Variants in MORN1 observed in about 807,000 individuals in gnomAD.
MORN1 encodes MORN repeat containing 1.
Under a neutral mutation model 61.9 loss-of-function variants are expected in MORN1, and 67 were observed. The observed-to-expected ratio is 1.08, with a 90% confidence interval of 0.89 to 1.33. MORN1 has a LOEUF of 1.33. Among genes scored for constraint, MORN1 ranks in the 40% most tolerant of loss-of-function variants. The pLI, the probability that MORN1 is intolerant of heterozygous loss-of-function variation, is 0.00. For missense variants in MORN1, 752 were observed against 691.2 expected (o/e 1.09, Z -0.99); for synonymous variants, 301 against 292.0 (o/e 1.03, Z -0.31).
In MORN1 at chr1:2,357,731, G is replaced by A; in HGVS notation, c.870-133C>T. On this transcript the variant is annotated intron_variant, in intron 9 of 13. Transcript: ENST00000378531. The surrounding 1 kb of genome is among the most constrained non-coding windows in gnomAD (Gnocchi z 6.3). ...CCAGGGAGCGCTACTCAGCCTCTCT[G>A]GGAGGTCTCCTGCTGGGATGGGGCC... is the stretch of plus-strand genomic sequence containing the variant. 9.3e-7 allele frequency: 1 copy of A among 1,078,164 alleles called. No homozygotes were observed. The highest frequency in any genetic ancestry group is 2.3e-5 in the South Asian group (1 of 42,756). The allele number at this position is 1,078,164 out of a possible 1,614,324, so 66.8% of individuals were successfully genotyped here.
At chr1:2,323,683 G>T in intron 13 of MORN1, 1 of 985,168 alleles carries the variant, frequency 1.0e-6, no homozygotes, top group Non-Finnish European at 1.2e-6. Context: ...GGAGCCTTCC[G>T]CCCAGCCCAG....
Position 2,358,690 on chromosome 1 carries a change from G to C in MORN1, c.771C>G (p.Ile257Met), listed in dbSNP as rs1310104201. The C allele has an allele frequency of 5.6e-6, 9 of 1,613,218 alleles. No individual in the cohort carries two copies. Among genetic ancestry groups the C allele is most frequent in the Non-Finnish European group, 5.9e-6 (7 of 1,179,674 alleles). Residue 257 changes from isoleucine to methionine, a missense_variant, in exon 9 of 14, where the codon ATC becomes ATG. Physicochemically the swap from Ile to Met is conservative, Grantham distance 10. Transcript: ENST00000378531. Reference sequence around the variant, plus strand: ...GCTGCACGTATCTGACGCCCGCTGAGATCTGCAGGACCCGGCCGCTCTCGC... The same window carrying C: ...GCTGCACGTATCTGACGCCCGCTGACATCTGCAGGACCCGGCCGCTCTCGC... ...AKSESGRVLQISAGVRYVQLS... is the reference protein window; with the variant it reads ...AKSESGRVLQMSAGVRYVQLS...
chr1:2,322,398 A>G, intron 13 of MORN1: 2 of 985,368 alleles, frequency 2.0e-6, no homozygotes, highest in South Asian at 9.4e-5. Flanking sequence ...AGGCAGAGCA[A>G]CATTCCAGAC....
chr1:2,322,377 C>T (rs183034058), intron 13 of MORN1: 14 of 985,418 alleles, frequency 1.4e-5, no homozygotes, highest in Non-Finnish European at 1.7e-5. Context: ...CAGGAGTCGG[C>T]TCACACCGCA....
intron 12 of MORN1, among the ~76,000 whole-genome samples, chr1:2,326,990 A>T (rs1226285001): frequency 6.6e-6 from 1 of 152,222 alleles, no homozygotes; most frequent in East Asian, 1.9e-4. Context: ...TGGCGCCCAC[A>T]CAGAGACACA....
chr1:2,387,516 A>G lies in MORN1; in HGVS notation c.261T>C (p.Ser87=), dbSNP rs1376164010. 1 of 1,612,020 alleles carries G rather than the reference A, an allele frequency of 6.2e-7. No individual in the cohort carries two copies. The highest frequency in any genetic ancestry group is 8.5e-7 in the Non-Finnish European group (1 of 1,179,762). ...RHWAWSGDTF[S]GQFVLGEPQG... is the part of the protein sequence containing the mutation. The stretch of plus-strand genomic sequence containing the variant: ...GAGGCTCTCCCAGAACAAACTGTCC[A>G]GAGAAGGTGTCTCCTGCATGTGGAC... Residue 87 remains serine (S), a synonymous_variant, in exon 4 of 14, where the codon TCT becomes TCC. Transcript: ENST00000378531.
chr1:2,391,315 C>T (rs1281574069), intron 1 of MORN1, 143 bp downstream of exon 1: 1 of 977,404 alleles, frequency 1.0e-6, no homozygotes, highest in African/African-American at 1.7e-5. Context: ...GAGTGGGGGA[C>T]GCGGGGGCGG....
At chr1:2,387,627 C>A in intron 3 of MORN1, 98 bp from the exon 4 acceptor site, 1 of 836,780 alleles carries the variant, frequency 1.2e-6, no homozygotes, top group Non-Finnish European at 2.0e-6. Context: ...ACGCAGGAAC[C>A]ATTCCAGAAT....
At chr1:2,322,616 C>T (rs1203894245) in intron 13 of MORN1, 41 of 985,192 alleles carry the variant, frequency 4.2e-5, no homozygotes, top group Non-Finnish European at 4.7e-5. Flanking sequence ...TGCAACCTGG[C>T]GGGTGTGGGC....
intron 10 of MORN1, among the ~76,000 whole-genome samples, chr1:2,345,647 T>C (rs1641496498): frequency 6.6e-6 from 1 of 152,194 alleles, no homozygotes; most frequent in African/African-American, 2.4e-5. Flanking sequence ...AGGGGCTCTG[T>C]GTCCCAGGGT....
chr1:2,322,207 A>C, intron 13 of MORN1: 1 of 985,414 alleles, frequency 1.0e-6, no homozygotes, highest in Non-Finnish European at 1.2e-6. Flanking sequence ...AAGTTGGAGA[A>C]ACCATAAAAA....
At chr1:2,346,873 AGTCT>A (rs1034990749) in intron 10 of MORN1, among the ~76,000 whole-genome samples, 15 of 152,152 alleles carry the variant, frequency 9.9e-5, no homozygotes, top group African/African-American at 3.4e-4. Context: ...CTGTCCTCCT[AGTCT>A]GGGTGGGGCC....
At chr1:2,322,408 C>T (rs1376361532) in intron 13 of MORN1, 3 of 985,262 alleles carry the variant, frequency 3.0e-6, no homozygotes, top group South Asian at 4.7e-5. Flanking sequence ...ACATTCCAGA[C>T]GCCGGCCTGG....
rs758280366 is a variant in MORN1 at position 2,334,980 on chromosome 1, C to G, written c.1250+1489G>C. On this transcript the variant is annotated intron_variant, in intron 12 of 13. Coordinates refer to ENST00000378531, the MANE Select transcript of MORN1 (RefSeq NM_024848.3). This position sits in a 1 kb window ranked among gnomAD's most constrained non-coding sequence, Gnocchi z 5.4. ...TGTCTCGGCTTTTGGCTCTCGCAGA[C>G]GCTCCTGAGGCCGAGTCACTGGGCA... 2.6e-5 allele frequency among the ~76,000 whole-genome samples: 4 copies of G among 152,248 alleles called. No homozygotes were observed. Among genetic ancestry groups the G allele is most frequent in the African/African-American group, 4.8e-5 (2 of 41,460 alleles).
At position 2,385,019 on chromosome 1, in the gene MORN1, CCT is replaced by C. The variant is rs767436101; in HGVS notation, c.494_495del (p.Gln165ArgfsTer106). On this transcript the variant is annotated frameshift_variant, in exon 6 of 14. Coordinates refer to ENST00000378531, the MANE Select transcript of MORN1 (RefSeq NM_024848.3). LOFTEE classifies it high-confidence loss of function. ...YDGDWVRDRR[Q>X]GHGVLRCADG... ...TCGGCGCAGCGCAGCACCCCGTGTC[CCT>C]GACGCCGGTCCCGGACCCAGTCGCC... 3 of 1,598,876 alleles carry C rather than the reference CCT, an allele frequency of 1.9e-6. No individual in the cohort carries two copies. The highest frequency in any genetic ancestry group is 1.7e-5 in the Admixed American group (1 of 58,608).
At position 2,372,653 on chromosome 1, in the gene MORN1, C is replaced by A; in HGVS notation, c.635-62G>T. The A allele has an allele frequency of 1.4e-6, 2 of 1,379,934 alleles. No individual in the cohort carries two copies. The highest frequency in any genetic ancestry group is 1.2e-5 in the South Asian group (1 of 80,088). 85.5% of individuals were successfully genotyped at this position (1,379,934 alleles called of 1,614,324 possible). Reference sequence around the variant, plus strand: ...GCATGGTCCCCCACCCACCCCATGGCTGAGTCAGCAGTGGGCACCCCAGGA... The same window carrying A: ...GCATGGTCCCCCACCCACCCCATGGATGAGTCAGCAGTGGGCACCCCAGGA... On this transcript the variant is annotated intron_variant, in intron 7 of 13. Coordinates refer to ENST00000378531, the MANE Select transcript of MORN1 (RefSeq NM_024848.3). This position sits in a 1 kb window ranked among gnomAD's most constrained non-coding sequence, Gnocchi z 5.4.
chr1:2,336,913 AC>A, intron 10 of MORN1, 63 bp from the exon 11 acceptor site: 1 of 1,460,460 alleles, frequency 6.8e-7, no homozygotes, highest in South Asian at 1.5e-5. Flanking sequence ...AGGGAGCCCC[AC>A]AGGGCTGTGC....
intron 5 of MORN1, 22 bp downstream of exon 5, chr1:2,385,785 T>C (rs1256031532): frequency 6.2e-7 from 1 of 1,607,286 alleles, no homozygotes; most frequent in Non-Finnish European, 8.5e-7. Flanking sequence ...CGCCAGGCAG[T>C]ACCCACAAGA....
At chr1:2,326,370 C>G (rs2100226681) in intron 12 of MORN1, 1 of 152,114 alleles carries the variant, frequency 6.6e-6, no homozygotes, top group African/African-American at 2.4e-5. Context: ...AGAAAGGAGG[C>G]AGGATTACAG....
Sources: allele counts gnomAD v4.1 joint callset (sites outside exome capture counted in the v4.1 genomes callset), GRCh38; gene constraint gnomAD v4.1.1; non-coding constraint Gnocchi (gnomAD v3.1); transcripts MANE v1.5; gene names NCBI Gene and HGNC (gene_info 2026-07-23, HGNC 2026-07-21).